The following PRR14L variants were observed in gnomAD, a reference collection of about 807,000 sequenced individuals.
PRR14L encodes proline rich 14 like.
A neutral mutation model predicts 155.0 loss-of-function variants in PRR14L; 80 were observed. The ratio of observed to expected loss-of-function variants is 0.52; its 90% CI spans 0.43 to 0.62. The LOEUF (loss-of-function observed/expected upper bound fraction) is 0.62. PRR14L is among the 20% of genes least tolerant of loss of function. PRR14L has a pLI of 0.00. For missense variants in PRR14L, 2,469 were observed against 2,548.0 expected (o/e 0.97, Z 0.67); for synonymous variants, 883 against 916.0 (o/e 0.96, Z 0.65).
chr22:31,743,070 A>T (rs550555053), intron 1 of PRR14L, among the ~76,000 whole-genome samples: 1 of 152,282 alleles, frequency 6.6e-6, no homozygotes, highest in Admixed American at 6.5e-5. Context: ...TGGGAGGCCA[A>T]GGTGGGAGGA....
chr22:31,745,897 T>C (rs887207553), intron 1 of PRR14L, among the ~76,000 whole-genome samples: 1 of 150,334 alleles, frequency 6.7e-6, no homozygotes, highest in Non-Finnish European at 1.5e-5. Flanking sequence ...ATCACAGTGT[T>C]ACCTTGGACA....
intron 2 of PRR14L, among the ~76,000 whole-genome samples, chr22:31,729,042 C>T (rs886831577): frequency 3.3e-5 from 5 of 152,168 alleles, no homozygotes; most frequent in Non-Finnish European, 7.3e-5. Flanking sequence ...CCTTTGCATG[C>T]GTAACAGATT....
intron 1 of PRR14L, 27 bp downstream of exon 1, chr22:31,749,966 C>G (rs979852484): frequency 6.5e-6 from 1 of 152,738 alleles, no homozygotes; most frequent in African/African-American, 2.4e-5. Context: ...CGGCTACGCC[C>G]GAAGCCTTCC....
At chr22:31,717,346 C>T (rs2074666159) in intron 3 of PRR14L, 55 bp from the exon 4 acceptor site, 1 of 1,362,236 alleles carries the variant, frequency 7.3e-7, no homozygotes, top group African/African-American at 1.5e-5. Flanking sequence ...ATCACTTGGT[C>T]TACCTTCATG....
chr22:31,739,620 G>C (rs62240517), intron 1 of PRR14L, among the ~76,000 whole-genome samples: 4,830 of 152,224 alleles, frequency 0.032, 135 homozygotes, highest in Non-Finnish European at 0.046. Flanking sequence ...GCAGCTATCA[G>C]CTTCTTGTTT....
chr22:31,731,592 A>G (rs979458740), intron 2 of PRR14L, among the ~76,000 whole-genome samples: 1 of 142,726 alleles, frequency 7.0e-6, no homozygotes, highest in African/African-American at 2.7e-5. Flanking sequence ...AAAAAAAAAA[A>G]AGATAACTCC....
At chr22:31,733,461 C>T (rs1395118802) in intron 2 of PRR14L, among the ~76,000 whole-genome samples, 5 of 151,632 alleles carry the variant, frequency 3.3e-5, no homozygotes, top group Non-Finnish European at 7.4e-5. Flanking sequence ...TGCATCACTG[C>T]GCCCAGCTGA....
intron 5 of PRR14L, 58 bp downstream of exon 5, chr22:31,704,596 CT>C: frequency 7.1e-7 from 1 of 1,413,664 alleles, no homozygotes. Flanking sequence ...TGTATGCACT[CT>C]CTCTCTTGCA....
chr22:31,692,772 T>A (rs755616898), intron 7 of PRR14L, among the ~76,000 whole-genome samples: 1 of 152,078 alleles, frequency 6.6e-6, no homozygotes, highest in Non-Finnish European at 1.5e-5. Flanking sequence ...TCCTAAATAG[T>A]TGAGACTACA....
At chr22:31,698,090 T>A (rs2074544399) in intron 7 of PRR14L, among the ~76,000 whole-genome samples, 1 of 149,482 alleles carries the variant, frequency 6.7e-6, no homozygotes. Context: ...AGTGGCTCAA[T>A]CATGGCTCAC....
At chr22:31,739,896 T>G (rs565554115) in intron 1 of PRR14L, among the ~76,000 whole-genome samples, 1 of 152,312 alleles carries the variant, frequency 6.6e-6, no homozygotes, top group East Asian at 1.9e-4. Context: ...TTTCCCAGTT[T>G]AGTGTACCAA....
rs1187979445 is a variant in PRR14L, at chr22:31,714,906, C to A, written c.2933G>T (p.Arg978Ile). 7.7e-6 allele frequency: 12 copies of A among 1,551,938 alleles called. No individual in the cohort carries two copies. The highest frequency in any genetic ancestry group is 1.0e-5 in the Non-Finnish European group (12 of 1,147,050). ...EVLDCQSNQN[R>I]PDECKSEGQS... ...ACCTTCACTTTTGCATTCATCTGGT[C>A]TGTTTTGGTTACTCTGACAGTCAAG... is the stretch of plus-strand genomic sequence containing the variant. The change falls in exon 4 of 9, where the codon AGA becomes ATA. Residue 978 changes from arginine to isoleucine, a missense_variant. This residue lies in a region of PRR14L where 2,363 missense variants were observed against 2,371.6 expected (regional missense o/e 1.00). Transcript: ENST00000327423.
chr22:31,694,608 C>T (rs1019041297), intron 7 of PRR14L, among the ~76,000 whole-genome samples: 4 of 150,378 alleles, frequency 2.7e-5, no homozygotes, highest in South Asian at 2.1e-4. Flanking sequence ...CAAAATTAGC[C>T]GGGTGTGGTG....
intron 1 of PRR14L, among the ~76,000 whole-genome samples, chr22:31,749,720 G>A (rs936168697): frequency 6.6e-6 from 1 of 152,204 alleles, no homozygotes; most frequent in South Asian, 2.1e-4. Flanking sequence ...ATAAGTTGGG[G>A]GATCCCTGTT....
At chr22:31,729,097 C>G (rs932598928) in intron 2 of PRR14L, among the ~76,000 whole-genome samples, 1 of 152,236 alleles carries the variant, frequency 6.6e-6, no homozygotes, top group Non-Finnish European at 1.5e-5. Context: ...TGAATACATT[C>G]TTTCACAATT....
At chr22:31,729,061 C>T (rs2074733885) in intron 2 of PRR14L, among the ~76,000 whole-genome samples, 1 of 152,188 alleles carries the variant, frequency 6.6e-6, no homozygotes, top group Non-Finnish European at 1.5e-5. Flanking sequence ...TTTTGACCTT[C>T]CTCCTACAAG....
intron 1 of PRR14L, among the ~76,000 whole-genome samples, chr22:31,741,249 T>A (rs1371406425): frequency 3.6e-5 from 3 of 82,432 alleles, no homozygotes; most frequent in South Asian, 4.0e-4. Flanking sequence ...CGAGGCTCTG[T>A]CTCAAAAAAA....
chr22:31,686,184 C>T lies in PRR14L; in HGVS notation c.6180-381G>A, dbSNP rs5753752. 0.011 allele frequency among the ~76,000 whole-genome samples: 1,704 copies of T among 151,178 alleles called. 154 individuals are homozygous for T. The East Asian group carries it at 0.23, about 20-fold the overall frequency. On this transcript the variant is annotated intron_variant, in intron 8 of 8. Transcript: ENST00000327423. ...TGTGATCTCCGCTCACTGCAAGCTC[C>T]GCCTCCCAGGTTGACGCCATTCTCC...
intron 4 of PRR14L, among the ~76,000 whole-genome samples, chr22:31,709,770 A>G (rs2074611482): frequency 6.6e-6 from 1 of 150,410 alleles, no homozygotes; most frequent in Non-Finnish European, 1.5e-5. Context: ...CGAACTCCTG[A>G]CCTCAGGTGA....
Sources: allele counts gnomAD v4.1 joint callset (sites outside exome capture counted in the v4.1 genomes callset), GRCh38; gene constraint gnomAD v4.1.1; regional missense constraint gnomAD v4.1.1; transcripts MANE v1.5; gene names NCBI Gene and HGNC (gene_info 2026-07-23, HGNC 2026-07-21).